SNAPC4: variants seen among roughly 807,000 people sequenced by gnomAD.
The protein encoded by SNAPC4 is snRNA-activating protein complex subunit 4.
A neutral mutation model predicts 151.3 loss-of-function variants in SNAPC4; 127 were observed. That is an observed-to-expected ratio of 0.84 (90% CI 0.73 to 0.97). The LOEUF (loss-of-function observed/expected upper bound fraction) is 0.97. Among genes scored for constraint, SNAPC4 ranks in the 50% least tolerant of loss-of-function variants. SNAPC4 has a pLI of 0.00. For missense variants in SNAPC4, 2,186 were observed against 1,935.0 expected (o/e 1.13, Z -2.43); for synonymous variants, 1,002 against 824.4 (o/e 1.22, Z -3.69).
chr9:136,378,061 T>C lies in SNAPC4; in HGVS notation c.3766A>G (p.Lys1256Glu), dbSNP rs751157842. 2 of 1,576,906 alleles carry C rather than the reference T, an allele frequency of 1.3e-6. No individual in the cohort carries two copies. The highest frequency in any genetic ancestry group is 1.7e-6 in the Non-Finnish European group (2 of 1,162,278). Residue 1256 changes from lysine to glutamate, a missense_variant, in exon 22 of 24, where the codon AAG becomes GAG. By Grantham distance (56) the Lys-to-Glu change is moderately conservative. Coordinates refer to ENST00000684778, the MANE Select transcript of SNAPC4 (RefSeq NM_003086.4). ...GGCCCAGGCTGGGGTAGGGGCGGCT[T>C]CTCCAGGTCCAGGGCCCCCTTCTCA... The part of the protein sequence containing the change: ...GPEKGALDLE[K>E]PPLPQPGPEK...
chr9:136,396,928 TGGTG>T, intron 3 of SNAPC4, 45 bp downstream of exon 3: 1 of 1,528,786 alleles, frequency 6.5e-7, no homozygotes, highest in Non-Finnish European at 9.1e-7. Context: ...CTTTGGAAGG[TGGTG>T]GCAGGCCTGA....
In SNAPC4 at chr9:136,384,752, T is replaced by C; in HGVS notation, c.1388A>G (p.Gln463Arg). The C allele has an allele frequency of 3.2e-6, 5 of 1,580,156 alleles. No homozygotes were observed. The highest frequency in any genetic ancestry group is 3.5e-6 in the Non-Finnish European group (4 of 1,154,460). Residue 463 changes from glutamine (Q) to arginine (R), a missense_variant, in exon 14 of 24, where the codon CAG becomes CGG. Physicochemically the swap from Gln to Arg is conservative, Grantham distance 43. Coordinates refer to ENST00000684778, the MANE Select transcript of SNAPC4 (RefSeq NM_003086.4). ...KGRWNLKEEE[Q>R]LIELIEKYGV... is the part of the protein sequence containing the mutation. ...ATATTTTTCTATTAATTCAATTAACTGTTCCTCTTCTTTTAAATTCCACCG... is the reference window on the plus strand; with the variant it reads ...ATATTTTTCTATTAATTCAATTAACCGTTCCTCTTCTTTTAAATTCCACCG...
At chr9:136,388,340 T>C in intron 11 of SNAPC4, 104 bp downstream of exon 11, 1 of 1,164,478 alleles carries the variant, frequency 8.6e-7, no homozygotes, top group South Asian at 1.4e-5. Context: ...GTCTAAGCCC[T>C]CGTCTGTCTT....
chr9:136,398,432 T>A lies in SNAPC4; in HGVS notation c.-4A>T. 6.2e-7 allele frequency: 1 copy of A among 1,611,264 alleles called. No individual in the cohort carries two copies. Among genetic ancestry groups the A allele is most frequent in the Non-Finnish European group, 8.5e-7 (1 of 1,177,726 alleles). On this transcript the variant is annotated 5_prime_UTR_variant, in exon 2 of 24. Coordinates refer to ENST00000684778, the MANE Select transcript of SNAPC4 (RefSeq NM_003086.4). ...CTCTTTCAGCATCTACATCCATGAC[T>A]CCCGCCTGCCTCCAAAACACACCCC...
In SNAPC4 at chr9:136,377,760, T is replaced by C. The variant is rs1287846543; in HGVS notation, c.4067A>G (p.Gln1356Arg). The change falls in exon 22 of 24, where the codon CAG (glutamine) becomes CGG (arginine). Residue 1356 changes from glutamine (Q) to arginine (R), a missense_variant. Physicochemically the swap from Gln to Arg is conservative, Grantham distance 43. Coordinates refer to ENST00000684778, the MANE Select transcript of SNAPC4 (RefSeq NM_003086.4). ...CAACAGGAGGTAGGCCGGGTTGTCC[T>C]GGAGCTGCCCCCGCACCAGCCCCAG... ...ASLGLVRGQL[Q>R]DNPAYLLLRA... 1.2e-6 allele frequency: 2 copies of C among 1,611,340 alleles called. No individual in the cohort carries two copies. The highest frequency in any genetic ancestry group is 3.3e-5 in the Admixed American group (2 of 59,938).
At position 136,383,888 on chromosome 9, in the gene SNAPC4, T is replaced by G; in HGVS notation, c.1500+65A>C. On this transcript the variant is annotated intron_variant, in intron 15 of 23. Coordinates refer to ENST00000684778, the MANE Select transcript of SNAPC4 (RefSeq NM_003086.4). The surrounding 1 kb of genome is among the most constrained non-coding windows in gnomAD (Gnocchi z 4.2). Reference sequence around the variant, plus strand: ...CCCCCTCCCCTCCCCTCCTCCTGCCTGCTGGACCCCCCAGTTGACCAGGCC... The same window carrying G: ...CCCCCTCCCCTCCCCTCCTCCTGCCGGCTGGACCCCCCAGTTGACCAGGCC... The G allele has an allele frequency of 4.1e-6, 5 of 1,216,386 alleles. No homozygotes were observed. The highest frequency in any genetic ancestry group is 6.1e-6 in the Non-Finnish European group (5 of 822,152). The allele number at this position is 1,216,386 out of a possible 1,614,324, so 75.3% of individuals were successfully genotyped here. A position where few individuals can be genotyped will look rare whatever the true frequency, so the allele number is the denominator to read the frequency against.
rs1833799451 is a variant in SNAPC4, at chr9:136,383,874, C to A, written c.1500+79G>T. 7.3e-7 allele frequency: 1 copy of A among 1,364,142 alleles called. No individual in the cohort carries two copies. Among genetic ancestry groups the A allele is most frequent in the African/African-American group, 1.4e-5 (1 of 70,096 alleles). The allele number at this position is 1,364,142 out of a possible 1,614,324, so 84.5% of individuals were successfully genotyped here. On this transcript the variant is annotated intron_variant, in intron 15 of 23. Transcript: ENST00000684778. The surrounding 1 kb of genome is among the most constrained non-coding windows in gnomAD (Gnocchi z 4.2). ...CAGAAACCGAACGCCCCCCTCCCCT[C>A]CCCTCCTCCTGCCTGCTGGACCCCC... is the stretch of plus-strand genomic sequence containing the variant.
chr9:136,378,438 A>G lies in SNAPC4; in HGVS notation c.3389T>C (p.Leu1130Ser), dbSNP rs2131467360. The G allele has an allele frequency of 6.3e-7, 1 of 1,594,412 alleles. No homozygotes were observed. The highest frequency in any genetic ancestry group is 1.7e-5 in the Admixed American group (1 of 59,200). ...RAAQGPRAPA[L>S]SSSWQPPANM... is the part of the protein sequence containing the mutation. ...GGCTGGGGGCTGCCAAGAGCTGCTC[A>G]ACGCTGGGGCCCTGGGGCCCTGGGC... The change falls in exon 22 of 24, where the codon TTG becomes TCG. Residue 1130 changes from leucine (L) to serine (S), a missense_variant. Leu to Ser is a moderately radical substitution (Grantham distance 145, BLOSUM62 -2). Transcript: ENST00000684778.
At position 136,387,793 on chromosome 9, in the gene SNAPC4, C is replaced by A; in HGVS notation, c.1179G>T (p.Lys393Asn). The change falls in exon 12 of 24, where the codon AAG becomes AAT. Residue 393 changes from lysine (K) to asparagine (N), a missense_variant. Lys to Asn is a moderately conservative substitution (Grantham distance 94). Transcript: ENST00000684778. Reference protein sequence around the residue: ...DSMQLIYRWTKSLDPGLKKGY... With the variant: ...DSMQLIYRWTNSLDPGLKKGY... ...CCTTCTTCAGACCAGGATCCAAGCT[C>A]TTGGTCCATCGGTAGATCAGCTGCA... 6.2e-7 allele frequency: 1 copy of A among 1,613,380 alleles called. No individual in the cohort carries two copies. The highest frequency in any genetic ancestry group is 8.5e-7 in the Non-Finnish European group (1 of 1,179,388).
chr9:136,387,681 C>T (rs1475317752), intron 12 of SNAPC4, 61 bp downstream of exon 12: 10 of 1,377,484 alleles, frequency 7.3e-6, no homozygotes, highest in Admixed American at 3.3e-5. Flanking sequence ...GCACAGCAGC[C>T]GCTGAACACA....
intron 14 of SNAPC4, among the ~76,000 whole-genome samples, 177 bp downstream of exon 14, chr9:136,384,543 G>A (rs912316631): frequency 2.0e-5 from 3 of 152,198 alleles, no homozygotes; most frequent in African/African-American, 7.2e-5. Context: ...CAGCTACTTG[G>A]GAGGCTGGGG....
chr9:136,393,586 AG>A (rs1834156081), intron 7 of SNAPC4, among the ~76,000 whole-genome samples: 1 of 152,208 alleles, frequency 6.6e-6, no homozygotes, highest in South Asian at 2.1e-4. Context: ...GGAATGGGAA[AG>A]GGAAGCCCAG....
rs779292988 is a variant in SNAPC4, at chr9:136,394,242, G to C, written c.632+7C>G. ...AGACCGTTTTTGACTTATGGTTTTA[G>C]ACTTACTTCAGTAACTTGGGCTGAA... is the stretch of plus-strand genomic sequence containing the variant. On this transcript the variant is annotated splice_region_variant and intron_variant, in intron 7 of 23. Coordinates refer to ENST00000684778, the MANE Select transcript of SNAPC4 (RefSeq NM_003086.4). The C allele has an allele frequency of 5.1e-6, 8 of 1,580,818 alleles. No homozygotes were observed. The Admixed American group carries it at 1.3e-4, about 26-fold the overall frequency.
chr9:136,394,396 T>C lies in SNAPC4; in HGVS notation c.551-66A>G, dbSNP rs141586490. 181 of 1,408,936 alleles carry C rather than the reference T, an allele frequency of 1.3e-4. No homozygotes were observed. The African/African-American group carries it at 1.9e-3, about 15-fold the overall frequency. 87.3% of individuals were successfully genotyped at this position (1,408,936 alleles called of 1,614,324 possible). On this transcript the variant is annotated intron_variant, in intron 6 of 23. Transcript: ENST00000684778. ...CTCTCCACGGCCCAGCCCCCACGGTTGGTGTGCACTTCCCGAGGCAGTGGT... is the reference window on the plus strand; with the variant it reads ...CTCTCCACGGCCCAGCCCCCACGGTCGGTGTGCACTTCCCGAGGCAGTGGT...
In SNAPC4 at chr9:136,387,416, C is replaced by A. The variant is rs1352866041; in HGVS notation, c.1325+69G>T. ...CCGCTGTCCCCCAGCCCGCCCACAG[C>A]CCACACCAGAGTGCACCTGGTCAGT... On this transcript the variant is annotated intron_variant, in intron 13 of 23. Transcript: ENST00000684778. The A allele has an allele frequency of 4.3e-6, 5 of 1,151,190 alleles. No individual in the cohort carries two copies. The East Asian group carries it at 9.4e-5, about 22-fold the overall frequency. The allele number at this position is 1,151,190 out of a possible 1,614,324, so 71.3% of individuals were successfully genotyped here. A position where few individuals can be genotyped will look rare whatever the true frequency, so the allele number is the denominator to read the frequency against.
chr9:136,390,732 C>G (rs965889789), intron 10 of SNAPC4, among the ~76,000 whole-genome samples: 2 of 149,908 alleles, frequency 1.3e-5, no homozygotes, highest in Non-Finnish European at 3.0e-5. Context: ...ATATGAAAAA[C>G]AAAAAAGAAA....
chr9:136,393,075 C>T (rs547833577), intron 7 of SNAPC4, among the ~76,000 whole-genome samples: 4 of 152,330 alleles, frequency 2.6e-5, no homozygotes, highest in Admixed American at 2.6e-4. Flanking sequence ...CAGCCTGTGC[C>T]TGGCACAGAG....
chr9:136,395,492 C>G, intron 4 of SNAPC4, 69 bp from the exon 5 acceptor site: 1 of 1,572,432 alleles, frequency 6.4e-7, no homozygotes, highest in Non-Finnish European at 8.6e-7. Context: ...GGAGGAGACC[C>G]GGGGCAGAGG....
chr9:136,389,059 G>C (rs1487897558), intron 10 of SNAPC4, among the ~76,000 whole-genome samples: 1 of 152,180 alleles, frequency 6.6e-6, no homozygotes, highest in African/African-American at 2.4e-5. Flanking sequence ...ACAGCCCTTG[G>C]TTTGGTGTCC....
Sources: gnomAD v4.1 joint callset for allele counts (sites outside exome capture counted in the v4.1 genomes callset) on GRCh38, gnomAD v4.1.1 for gene constraint, Gnocchi (gnomAD v3.1) non-coding constraint, MANE v1.5 for transcripts, NCBI Gene and HGNC (gene_info 2026-07-23, HGNC 2026-07-21) for gene names.